HIRA: variants seen among roughly 807,000 people sequenced by gnomAD.
HIRA encodes the protein histone cell cycle regulator.
A neutral mutation model predicts 126.6 loss-of-function variants in HIRA; 13 were observed. The ratio of observed to expected loss-of-function variants is 0.10; its 90% CI spans 0.07 to 0.16. HIRA has a LOEUF of 0.16. Among genes scored for constraint, HIRA ranks in the 10% least tolerant of loss-of-function variants. HIRA has a pLI of 1.00. For missense variants in HIRA, 834 were observed against 1,314.4 expected, an observed-to-expected ratio of 0.63 and a Z score of 5.65; for synonymous variants, 511 against 520.0, an observed-to-expected ratio of 0.98 and a Z score of 0.24.
At chr22:19,369,583 G>C (rs1315874574) in intron 15 of HIRA, among the ~76,000 whole-genome samples, 1 of 152,058 alleles carries the variant, frequency 6.6e-6, no homozygotes, top group African/African-American at 2.4e-5. Flanking sequence ...TAACTTGCAA[G>C]GTGTATTACT....
chr22:19,423,482 T>TACACACACACACAC (rs777914879), intron 1 of HIRA, among the ~76,000 whole-genome samples: 6 of 111,300 alleles, frequency 5.4e-5, no homozygotes, highest in African/African-American at 1.4e-4. Flanking sequence ...CACACATGCA[T>TACACACACACACAC]ACACACACAC....
At chr22:19,358,649 C>T (rs1269169568) in intron 18 of HIRA, among the ~76,000 whole-genome samples, 3 of 152,198 alleles carry the variant, frequency 2.0e-5, no homozygotes, top group African/African-American at 7.2e-5. Context: ...GGTCTAAGAC[C>T]TAAGGCCATG....
chr22:19,364,980 G>C (rs1354445374), intron 15 of HIRA, among the ~76,000 whole-genome samples: 1 of 152,200 alleles, frequency 6.6e-6, no homozygotes, highest in Non-Finnish European at 1.5e-5. Flanking sequence ...CAGCCTTATT[G>C]CTAATATGGA....
Position 19,375,752 on chromosome 22 carries a change from C to G in HIRA, c.1654G>C (p.Val552Leu). 6.2e-7 allele frequency: 1 copy of G among 1,614,114 alleles called. No individual in the cohort carries two copies. Among genetic ancestry groups the G allele is most frequent in the Non-Finnish European group, 8.5e-7 (1 of 1,180,024 alleles). Residue 552 changes from valine (V) to leucine (L), a missense_variant, in exon 15 of 25, where the codon GTG becomes CTG. Val to Leu is a conservative substitution (Grantham distance 32). Around this residue, in one of 5 missense-constraint regions of HIRA, gnomAD observed 468 missense variants for 574.2 expected, o/e 0.82. Coordinates refer to ENST00000263208, the MANE Select transcript of HIRA (RefSeq NM_003325.4). ...TCGATCTTGGACGGGGTCGTTAACA[C>G]AGAAGGTGACAATGCAGCAGGAGTA... is the stretch of plus-strand genomic sequence containing the variant. ...TSTPAALSPS[V>L]LTTPSKIEPM...
intron 1 of HIRA, among the ~76,000 whole-genome samples, chr22:19,416,418 G>A (rs1394276770): frequency 6.6e-6 from 1 of 152,010 alleles, no homozygotes; most frequent in Non-Finnish European, 1.5e-5. Context: ...CAACCTTCCA[G>A]GCTCAAGCAA....
chr22:19,388,956 C>T (rs574649941), intron 9 of HIRA, among the ~76,000 whole-genome samples: 1 of 152,218 alleles, frequency 6.6e-6, no homozygotes, highest in South Asian at 2.1e-4. Flanking sequence ...GGATGAGGCA[C>T]CCTGAGAGAG....
intron 12 of HIRA, among the ~76,000 whole-genome samples, chr22:19,384,322 CAAAAAAAA>C (rs71317140): frequency 1.5e-5 from 1 of 66,806 alleles, no homozygotes; most frequent in East Asian, 4.3e-4. Flanking sequence ...GACTCCATCT[CAAAAAAAA>C]AAAAAAAAAA....
At chr22:19,423,271 A>C (rs1394877051) in intron 1 of HIRA, among the ~76,000 whole-genome samples, 1 of 151,846 alleles carries the variant, frequency 6.6e-6, no homozygotes, top group Non-Finnish European at 1.5e-5. Context: ...AATTCACAGG[A>C]TCTTGTTTGT....
intron 15 of HIRA, among the ~76,000 whole-genome samples, chr22:19,362,468 A>G (rs2088873126): frequency 6.6e-6 from 1 of 152,202 alleles, no homozygotes; most frequent in Non-Finnish European, 1.5e-5. Context: ...TAGGTTATAA[A>G]TGTTTATTGT....
intron 5 of HIRA, among the ~76,000 whole-genome samples, chr22:19,404,945 A>G (rs1288519078): frequency 6.6e-6 from 1 of 152,164 alleles, no homozygotes; most frequent in African/African-American, 2.4e-5. Context: ...AAACGACTGG[A>G]AGAACCTCCA....
At chr22:19,347,785 A>T (rs1416302075) in intron 24 of HIRA, among the ~76,000 whole-genome samples, 1 of 152,200 alleles carries the variant, frequency 6.6e-6, no homozygotes, top group African/African-American at 2.4e-5. Flanking sequence ...CTAAAAAAAT[A>T]AAAATTAGCT....
chr22:19,333,820 C>A (rs2088524449), intron 24 of HIRA, among the ~76,000 whole-genome samples: 1 of 152,120 alleles, frequency 6.6e-6, no homozygotes, highest in Non-Finnish European at 1.5e-5. Flanking sequence ...TTTCAAATGA[C>A]CTGTTTTCAA....
chr22:19,406,214 T>C (rs2089306903), intron 4 of HIRA, among the ~76,000 whole-genome samples: 1 of 152,240 alleles, frequency 6.6e-6, no homozygotes, highest in African/African-American at 2.4e-5. Flanking sequence ...GAAAATGGAT[T>C]AGAAGGACAC....
At chr22:19,387,638 G>C (rs1569303455) in intron 11 of HIRA, 73 bp downstream of exon 11, 3 of 1,073,470 alleles carry the variant, frequency 2.8e-6, no homozygotes, top group African/African-American at 3.1e-5. Flanking sequence ...AGAGGGTGTA[G>C]TCAAAGGGGT....
At chr22:19,402,944 A>G (rs1450905836) in intron 5 of HIRA, among the ~76,000 whole-genome samples, 2 of 149,780 alleles carry the variant, frequency 1.3e-5, no homozygotes, top group Non-Finnish European at 3.0e-5. Flanking sequence ...CATCTCTACG[A>G]AAAAAAAAAT....
intron 2 of HIRA, among the ~76,000 whole-genome samples, chr22:19,409,607 ATCACTGATATCT>A: frequency 6.6e-6 from 1 of 152,312 alleles, no homozygotes; most frequent in East Asian, 1.9e-4. Context: ...TAAGCTTTCC[ATCACTGATATCT>A]AACGAAGTTT....
intron 24 of HIRA, among the ~76,000 whole-genome samples, chr22:19,343,696 C>T (rs782646916): frequency 5.1e-4 from 78 of 151,576 alleles, no homozygotes; most frequent in Admixed American, 5.0e-3. Flanking sequence ...GAGCCTGAGA[C>T]GGGTGGATTG....
chr22:19,428,175 C>T (rs1321101027), intron 1 of HIRA, among the ~76,000 whole-genome samples: 4 of 152,140 alleles, frequency 2.6e-5, no homozygotes, highest in African/African-American at 9.7e-5. Flanking sequence ...AGTCTGATTC[C>T]ACATTCAAGG....
At position 19,356,956 on chromosome 22, in the gene HIRA, A is replaced by G; in HGVS notation, c.2330T>C (p.Ile777Thr). The G allele has an allele frequency of 3.1e-6, 5 of 1,614,016 alleles. No homozygotes were observed. Among genetic ancestry groups the G allele is most frequent in the Non-Finnish European group, 2.5e-6 (3 of 1,180,020 alleles). Residue 777 changes from isoleucine to threonine, a missense_variant, in exon 19 of 25, where the codon ATC (isoleucine) becomes ACC (threonine). By Grantham distance (89) the Ile-to-Thr change is moderately conservative. Coordinates refer to ENST00000263208, the MANE Select transcript of HIRA (RefSeq NM_003325.4). Reference protein sequence around the residue: ...LLSPILLPSPISTLHCTGSYV... With the variant: ...LLSPILLPSPTSTLHCTGSYV... ...GGAGCCTGTGCAATGCAAAGTAGAG[A>G]TCGGGGATGGCAGGAGGATGGGAGA...
Sources: allele counts gnomAD v4.1 joint callset (sites outside exome capture counted in the v4.1 genomes callset), GRCh38; gene constraint gnomAD v4.1.1; regional missense constraint gnomAD v4.1.1; transcripts MANE v1.5; gene names NCBI Gene and HGNC (gene_info 2026-07-23, HGNC 2026-07-21).